Variants in ROBO2 observed in about 807,000 individuals in gnomAD.
ROBO2 encodes the protein roundabout guidance receptor 2, also known as roundabout homolog 2.
A neutral mutation model predicts 160.8 loss-of-function variants in ROBO2; 53 were observed. The observed-to-expected ratio is 0.33, with a 90% confidence interval of 0.26 to 0.41. The LOEUF is 0.41. Ranked by LOEUF, ROBO2 falls within the 10% of genes least tolerant of loss-of-function variation. The pLI, the probability that ROBO2 is intolerant of heterozygous loss-of-function variation, is 1.00. For synonymous variants in ROBO2, 664 were observed against 611.7 expected (o/e 1.09, Z -1.26); for missense variants, 1,577 against 1,722.4 (o/e 0.92, Z 1.49).
chr3:77,114,090 C>T (rs537031651), intron 2 of ROBO2, among the ~76,000 whole-genome samples: 2 of 152,248 alleles, frequency 1.3e-5, no homozygotes, highest in East Asian at 1.9e-4. Flanking sequence ...GTTTAAGAGA[C>T]CACGTTCTGA....
At chr3:76,204,779 C>A (rs148340157) in intron 2 of ROBO2, among the ~76,000 whole-genome samples, 4 of 152,114 alleles carry the variant, frequency 2.6e-5, no homozygotes, top group African/African-American at 4.8e-5. Flanking sequence ...CCATTATGTG[C>A]CAGAGAATCA....
In ROBO2 at chr3:76,902,622, G is replaced by A. The variant is rs1316664549; in HGVS notation, c.110-195392G>A. Among the ~76,000 whole-genome samples, 3 of 152,010 alleles carry A rather than the reference G, an allele frequency of 2.0e-5. No homozygotes were observed. The East Asian group carries it at 5.8e-4, about 29-fold the overall frequency. ...GTTCTTCAGCTAGATTCTGCAACTTGTTAGATTAATTCCATAGCTTTTAAC... is the reference window on the plus strand; with the variant it reads ...GTTCTTCAGCTAGATTCTGCAACTTATTAGATTAATTCCATAGCTTTTAAC... On this transcript the variant is annotated intron_variant, in intron 2 of 26. Coordinates refer to the ROBO2 transcript ENST00000487694.
chr3:76,913,479 A>T (rs991610610), intron 2 of ROBO2, among the ~76,000 whole-genome samples: 3 of 152,210 alleles, frequency 2.0e-5, no homozygotes, highest in African/African-American at 7.2e-5. Context: ...GAGAATATTT[A>T]TTTAATGTTA....
chr3:77,576,860 G>A (rs1191939974), intron 14 of ROBO2, among the ~76,000 whole-genome samples: 1 of 152,096 alleles, frequency 6.6e-6, no homozygotes, highest in Non-Finnish European at 1.5e-5. Flanking sequence ...AGAAAAAGAA[G>A]TTTTTTCTGT....
intron 2 of ROBO2, among the ~76,000 whole-genome samples, chr3:76,484,682 C>T (rs185201464): frequency 2.7e-4 from 41 of 152,210 alleles, no homozygotes; most frequent in African/African-American, 8.7e-4. Context: ...GTTATTCAAT[C>T]GAGATTTCTG....
intron 21 of ROBO2, among the ~76,000 whole-genome samples, chr3:77,609,791 C>CATATATATATATATATAT (rs34908269): frequency 3.0e-4 from 43 of 143,690 alleles, no homozygotes; most frequent in African/African-American, 1.0e-3. Flanking sequence ...TTTATATATA[C>CATATATATATATATATAT]ATATATATAT....
intron 1 of ROBO2, among the ~76,000 whole-genome samples, chr3:75,927,467 T>C (rs1249577805): frequency 2.0e-5 from 3 of 152,212 alleles, no homozygotes; most frequent in Non-Finnish European, 4.4e-5. Context: ...TATTACAAGG[T>C]AGTTTACCTA....
intron 2 of ROBO2, among the ~76,000 whole-genome samples, chr3:76,869,244 G>A (rs2071709317): frequency 1.3e-5 from 2 of 150,182 alleles, no homozygotes; most frequent in African/African-American, 4.9e-5. Context: ...ATGTAGATCT[G>A]CAAACTTGCA....
intron 2 of ROBO2, among the ~76,000 whole-genome samples, chr3:76,700,922 A>G (rs1350876286): frequency 2.0e-5 from 3 of 152,102 alleles, no homozygotes; most frequent in East Asian, 1.9e-4. Context: ...TGTGTTGGAC[A>G]TTTTCATTTT....
chr3:75,954,617 C>T (rs183963728), intron 2 of ROBO2, among the ~76,000 whole-genome samples: 3 of 151,838 alleles, frequency 2.0e-5, no homozygotes, highest in East Asian at 2.0e-4. Flanking sequence ...CAAAACAAAA[C>T]GAAACAAAGC....
chr3:76,284,385 A>T (rs1016080165), intron 2 of ROBO2, among the ~76,000 whole-genome samples: 3 of 149,180 alleles, frequency 2.0e-5, no homozygotes, highest in African/African-American at 7.6e-5. Flanking sequence ...AGTACAGAGC[A>T]CTCCAGGGAG....
At chr3:76,226,167 T>G (rs2107444593) in intron 2 of ROBO2, among the ~76,000 whole-genome samples, 1 of 152,296 alleles carries the variant, frequency 6.6e-6, no homozygotes, top group East Asian at 1.9e-4. Context: ...AGAACACTAA[T>G]TTTTTCTCCT....
intron 2 of ROBO2, among the ~76,000 whole-genome samples, chr3:76,626,675 G>A (rs1011167826): frequency 1.3e-5 from 2 of 151,928 alleles, no homozygotes; most frequent in African/African-American, 2.4e-5. Flanking sequence ...TTAACTTATT[G>A]TCATTTAGAA....
chr3:77,442,475 A>G (rs574466413), intron 2 of ROBO2, among the ~76,000 whole-genome samples: 10 of 152,308 alleles, frequency 6.6e-5, no homozygotes, highest in Admixed American at 3.3e-4. Flanking sequence ...CCTTTTCTTC[A>G]TGGCAGAGCT....
In ROBO2 at chr3:77,449,858, C is replaced by T. The variant is rs146413923; in HGVS notation, c.389-27556C>T. 3.3e-5 allele frequency among the ~76,000 whole-genome samples: 5 copies of T among 152,178 alleles called. No homozygotes were observed. In the East Asian group the frequency reaches 9.7e-4, roughly 29 times the overall value. ...GCTAGCATTTTATCACCAAGTGAGT[C>T]CAGCTCTGTTAAAAACAAGCCACAG... is the stretch of plus-strand genomic sequence containing the variant. On this transcript the variant is annotated intron_variant, in intron 2 of 25. Coordinates refer to ENST00000461745, the Ensembl canonical transcript of ROBO2.
intron 2 of ROBO2, among the ~76,000 whole-genome samples, chr3:77,240,155 G>A (rs753810245): frequency 2.6e-5 from 4 of 152,150 alleles, no homozygotes; most frequent in Non-Finnish European, 5.9e-5. Flanking sequence ...GGCGCCCGTC[G>A]GGGAGGCTCG....
chr3:77,527,326 C>G, intron 6 of ROBO2, 77 bp from the exon 7 acceptor site: 6 of 1,075,070 alleles, frequency 5.6e-6, no homozygotes, highest in Non-Finnish European at 7.5e-6. Context: ...CATTACACAT[C>G]ATGCATTCTG....
intron 20 of ROBO2, 120 bp from the exon 22 acceptor site, chr3:77,607,678 C>A: frequency 1.1e-6 from 1 of 879,820 alleles, no homozygotes; most frequent in Non-Finnish European, 1.9e-6. Flanking sequence ...TTGTTTATAG[C>A]TTTTAACAAC....
Position 77,005,692 on chromosome 3 carries a change from A to G in ROBO2, c.110-92322A>G, listed in dbSNP as rs184252362. On this transcript the variant is annotated intron_variant, in intron 2 of 26. Transcript: ENST00000487694. ...TAGTAACTGATGGATTGGCCAGTTG[A>G]GTTGATTCCACCATGGTAGTGGATT... is the stretch of plus-strand genomic sequence containing the variant. Among the ~76,000 whole-genome samples the G allele has an allele frequency of 2.0e-5, 3 of 152,296 alleles. No homozygotes were observed. The East Asian group carries it at 5.8e-4, about 29-fold the overall frequency.
Sources: allele counts gnomAD v4.1 joint callset (sites outside exome capture counted in the v4.1 genomes callset), GRCh38; gene constraint gnomAD v4.1.1; transcripts MANE v1.5; gene names NCBI Gene and HGNC (gene_info 2026-07-23, HGNC 2026-07-21).